MMP24: variants seen among roughly 807,000 people sequenced by gnomAD.
MMP24 encodes matrix metalloproteinase-24.
In MMP24, 25 loss-of-function variants were observed where a neutral mutation model predicts 62.8. The observed-to-expected ratio is 0.40, with a 90% confidence interval of 0.29 to 0.56. The LOEUF is 0.56. Ranked by LOEUF, MMP24 falls within the 20% of genes least tolerant of loss-of-function variation. MMP24 has a pLI of 0.50. For synonymous variants in MMP24, 319 were observed against 350.5 expected, an observed-to-expected ratio of 0.91 and a Z score of 1.00; for missense variants, 634 against 853.6, an observed-to-expected ratio of 0.74 and a Z score of 3.21.
intron 1 of MMP24, among the ~76,000 whole-genome samples, chr20:35,238,760 G>A (rs565436684): frequency 6.6e-6 from 1 of 152,220 alleles, no homozygotes; most frequent in African/African-American, 2.4e-5. Flanking sequence ...CAAAGAGATT[G>A]TCCCTGATCA....
At position 35,239,049 on chromosome 20, in the gene MMP24, A is replaced by AT. The variant is rs559984259; in HGVS notation, c.247-7774dup. On this transcript the variant is annotated intron_variant, in intron 1 of 8. Transcript: ENST00000246186. The stretch of plus-strand genomic sequence containing the variant: ...TCACCACGCCTGGCTACTTTTTTCA[A>AT]TTTTTTTTTTTTTTTTTAGACAGAG... Among the ~76,000 whole-genome samples the AT allele has an allele frequency of 8.4e-3, 1,115 of 133,218 alleles. 4 individuals carry two copies. The highest frequency in any genetic ancestry group is 0.013 in the South Asian group (56 of 4,166). The allele number at this position is 133,218 out of a possible 152,430, so 87.4% of individuals were successfully genotyped here. A position where few individuals can be genotyped will look rare whatever the true frequency, so the allele number is the denominator to read the frequency against.
In MMP24 at chr20:35,276,348, A is replaced by G. The variant is rs2060705759; in HGVS notation, c.*1739A>G. The G allele has an allele frequency of 5.0e-6, 2 of 399,046 alleles. No individual in the cohort carries two copies. Among genetic ancestry groups the G allele is most frequent in the Non-Finnish European group, 8.8e-6 (2 of 226,058 alleles). The allele number at this position is 399,046 out of a possible 1,614,324, so 24.7% of individuals were successfully genotyped here. ...ATATTAGTGATTCATAGGTTTGTAC[A>G]GTGTTTTATACTTTGCAAAGCACTT... On this transcript the variant is annotated 3_prime_UTR_variant, in exon 9 of 9. Transcript: ENST00000246186.
Position 35,274,865 on chromosome 20 carries a change from A to G in MMP24, c.*256A>G. ...CAAACTACTCCCTACTTAAGGGAATAGGCCAGGCTCCATCCGGAGGCAGGG... is the reference window on the plus strand; with the variant it reads ...CAAACTACTCCCTACTTAAGGGAATGGGCCAGGCTCCATCCGGAGGCAGGG... On this transcript the variant is annotated 3_prime_UTR_variant, in exon 9 of 9. Coordinates refer to ENST00000246186, the MANE Select transcript of MMP24 (RefSeq NM_006690.4). This position sits in a 1 kb window ranked among gnomAD's most constrained non-coding sequence, Gnocchi z 5.1. 1.9e-6 allele frequency: 1 copy of G among 518,058 alleles called. No individual in the cohort carries two copies. The highest frequency in any genetic ancestry group is 3.4e-6 in the Non-Finnish European group (1 of 290,154). 32.1% of individuals were successfully genotyped at this position (518,058 alleles called of 1,614,324 possible).
At chr20:35,238,694 G>C (rs1432056860) in intron 1 of MMP24, among the ~76,000 whole-genome samples, 1 of 152,070 alleles carries the variant, frequency 6.6e-6, no homozygotes, top group African/African-American at 2.4e-5. Context: ...TTTCCTAGTA[G>C]CCACAGGGTC....
At chr20:35,236,339 A>C (rs1255246843) in intron 1 of MMP24, 1 of 152,138 alleles carries the variant, frequency 6.6e-6, no homozygotes, top group Non-Finnish European at 1.5e-5. Context: ...TGAATAAGTC[A>C]TTTCCCCTCC....
intron 4 of MMP24, among the ~76,000 whole-genome samples, chr20:35,259,931 C>G (rs984099013): frequency 2.0e-5 from 3 of 152,184 alleles, no homozygotes; most frequent in African/African-American, 4.8e-5. Context: ...ACCCACATCC[C>G]TATGACGAAG....
chr20:35,276,093 C>T lies in MMP24; in HGVS notation c.*1484C>T, dbSNP rs1165835820. The T allele has an allele frequency of 1.5e-5, 6 of 398,638 alleles. No homozygotes were observed. The highest frequency in any genetic ancestry group is 2.7e-5 in the Non-Finnish European group (6 of 226,168). 24.7% of individuals were successfully genotyped at this position (398,638 alleles called of 1,614,324 possible). ...GGCCGGGTCTCGGATGCCACCCCTG[C>T]TCACTGAGCCTGCATGGGCCTTGCC... On this transcript the variant is annotated 3_prime_UTR_variant, in exon 9 of 9. Transcript: ENST00000246186.
chr20:35,252,900 G>A (rs6060327), intron 3 of MMP24, among the ~76,000 whole-genome samples: 2,976 of 127,378 alleles, frequency 0.023, 175 homozygotes, highest in African/African-American at 0.088. Flanking sequence ...GGCAGGCTCA[G>A]GTGGGGCTGG....
rs1291659135 is a variant in MMP24, at chr20:35,267,116, TGTCTCAGAGCTGCCTGG to T, written c.980-86_980-70del. ...ACAGGAGGCTGAACTGGGACAGACT[TGTCTCAGAGCTGCCTGG>T]GTGATGCTGAGACTGGCAATGGGAG... On this transcript the variant is annotated intron_variant, in intron 5 of 8. Transcript: ENST00000246186. 8.0e-6 allele frequency: 9 copies of T among 1,124,856 alleles called. No individual in the cohort carries two copies. The Admixed American group carries it at 1.9e-4, about 24-fold the overall frequency. The allele number at this position is 1,124,856 out of a possible 1,614,324, so 69.7% of individuals were successfully genotyped here.
rs1019853328 is a variant in MMP24, at chr20:35,227,092, G to A, written c.246+108G>A. 63 of 904,810 alleles carry A rather than the reference G, an allele frequency of 7.0e-5. No homozygotes were observed. In the African/African-American group the frequency reaches 1.1e-3, roughly 16 times the overall value. 56.0% of individuals were successfully genotyped at this position (904,810 alleles called of 1,614,324 possible). ...GGGCCGCACCTACTGCCGAGGTCGC[G>A]GAGGCGGCGCGCCGGGGGTCCGCGC... On this transcript the variant is annotated intron_variant, in intron 1 of 8. Coordinates refer to ENST00000246186, the MANE Select transcript of MMP24 (RefSeq NM_006690.4).
At chr20:35,262,320 C>G (rs965780073) in intron 4 of MMP24, among the ~76,000 whole-genome samples, 5 of 152,022 alleles carry the variant, frequency 3.3e-5, no homozygotes, top group African/African-American at 1.2e-4. Context: ...GGGTGTTTCT[C>G]GAAGAGGGGG....
Position 35,276,405 on chromosome 20 carries a change from C to G in MMP24, c.*1796C>G. The G allele has an allele frequency of 2.5e-6, 1 of 398,288 alleles. No individual in the cohort carries two copies. Among genetic ancestry groups the G allele is most frequent in the Non-Finnish European group, 4.4e-6 (1 of 225,986 alleles). The allele number at this position is 398,288 out of a possible 1,614,324, so 24.7% of individuals were successfully genotyped here. On this transcript the variant is annotated 3_prime_UTR_variant, in exon 9 of 9. Transcript: ENST00000246186. ...CTCACACCTGTCCACTCACATGAAACTCGTGTTAGGCCCTGGGAGGCCGAC... is the reference window on the plus strand; with the variant it reads ...CTCACACCTGTCCACTCACATGAAAGTCGTGTTAGGCCCTGGGAGGCCGAC...
rs2060703479 is a variant in MMP24, at chr20:35,276,030, C to T, written c.*1421C>T. 3 of 398,704 alleles carry T rather than the reference C, an allele frequency of 7.5e-6. No individual in the cohort carries two copies. Among genetic ancestry groups the T allele is most frequent in the Non-Finnish European group, 8.8e-6 (2 of 226,136 alleles). 24.7% of individuals were successfully genotyped at this position (398,704 alleles called of 1,614,324 possible). A position where few individuals can be genotyped will look rare whatever the true frequency, so the allele number is the denominator to read the frequency against. ...TTCATCAATGCCCACTGGCTCTCTGCCAAAGCCAAAAAGGTGTCAGGCAGT... is the reference window on the plus strand; with the variant it reads ...TTCATCAATGCCCACTGGCTCTCTGTCAAAGCCAAAAAGGTGTCAGGCAGT... On this transcript the variant is annotated 3_prime_UTR_variant, in exon 9 of 9. Transcript: ENST00000246186.
At chr20:35,235,016 G>A (rs528472090) in intron 1 of MMP24, among the ~76,000 whole-genome samples, 290 of 152,314 alleles carry the variant, frequency 1.9e-3, no homozygotes, top group African/African-American at 6.5e-3. Flanking sequence ...CCAGAAGATC[G>A]GCTTCACAGT....
At chr20:35,236,842 C>T (rs1319515391) in intron 1 of MMP24, among the ~76,000 whole-genome samples, 1 of 151,884 alleles carries the variant, frequency 6.6e-6, no homozygotes, top group Non-Finnish European at 1.5e-5. Flanking sequence ...GGCATGGTGG[C>T]GTGCACCTGT....
rs1191909054 is a variant in MMP24 at position 35,271,320 on chromosome 20, G to T, written c.1334-249G>T. Among the ~76,000 whole-genome samples the T allele has an allele frequency of 1.3e-5, 2 of 152,204 alleles. No individual in the cohort carries two copies. Among genetic ancestry groups the T allele is most frequent in the Admixed American group, 6.5e-5 (1 of 15,284 alleles). ...AGTGGTAGTGCATATGCAAAGTCAT[G>T]TAAGTGGCTGAGATCACCAGAGAGG... is the stretch of plus-strand genomic sequence containing the variant. On this transcript the variant is annotated intron_variant, in intron 7 of 8. Coordinates refer to ENST00000246186, the MANE Select transcript of MMP24 (RefSeq NM_006690.4). The surrounding 1 kb of genome is among the most constrained non-coding windows in gnomAD (Gnocchi z 4.0).
chr20:35,235,366 T>C (rs2060457886), intron 1 of MMP24, among the ~76,000 whole-genome samples: 1 of 152,158 alleles, frequency 6.6e-6, no homozygotes, highest in South Asian at 2.1e-4. Flanking sequence ...ATTGTACCAC[T>C]GCACTGCAGC....
intron 4 of MMP24, among the ~76,000 whole-genome samples, chr20:35,260,025 G>A (rs969948970): frequency 3.9e-5 from 6 of 152,176 alleles, no homozygotes; most frequent in Admixed American, 3.9e-4. Context: ...TTCAAAACCA[G>A]GCAGTCTGGC....
At chr20:35,236,315 T>C (rs1463541996) in intron 1 of MMP24, 1 of 152,196 alleles carries the variant, frequency 6.6e-6, no homozygotes, top group Non-Finnish European at 1.5e-5. Context: ...CCTTACCAAC[T>C]TGCTCTGTGA....
Sources: allele counts gnomAD v4.1 joint callset (sites outside exome capture counted in the v4.1 genomes callset), GRCh38; gene constraint gnomAD v4.1.1; non-coding constraint Gnocchi (gnomAD v3.1); transcripts MANE v1.5; gene names NCBI Gene and HGNC (gene_info 2026-07-23, HGNC 2026-07-21).